Variants in LIPI observed in about 807,000 individuals in gnomAD.
The protein encoded by LIPI is lipase I.
Under a neutral mutation model 50.6 loss-of-function variants are expected in LIPI, and 59 were observed. The ratio of observed to expected loss-of-function variants is 1.16; its 90% confidence interval spans 0.94 to 1.45. LIPI has a LOEUF of 1.45. LIPI is among the 40% of genes most tolerant of loss of function. The probability of loss-of-function intolerance (pLI) is 0.00; values close to 1 mark genes in which losing one functional copy is unlikely to be tolerated. For synonymous variants in LIPI, 203 were observed against 178.2 expected (o/e 1.14, Z -1.11); for missense variants, 586 against 536.3 (o/e 1.09, Z -0.92).
chr21:14,166,277 C>A lies in LIPI; in HGVS notation c.733+85G>T, dbSNP rs896826095. Reference sequence around the variant, plus strand: ...AATGATGATGAAATCAAAACACTGCCTACAGATTAAGAGGGGAAAAGTAAG... The same window carrying A: ...AATGATGATGAAATCAAAACACTGCATACAGATTAAGAGGGGAAAAGTAAG... On this transcript the variant is annotated intron_variant, in intron 5 of 9. Coordinates refer to ENST00000681601, the MANE Select transcript of LIPI (RefSeq NM_001302998.2). 59 of 832,932 alleles carry A rather than the reference C, an allele frequency of 7.1e-5. No homozygotes were observed. The Admixed American group carries it at 1.0e-3, about 14-fold the overall frequency. The allele number at this position is 832,932 out of a possible 1,614,324, so 51.6% of individuals were successfully genotyped here.
At chr21:14,200,560 A>G (rs2020018177) in intron 1 of LIPI, among the ~76,000 whole-genome samples, 1 of 152,106 alleles carries the variant, frequency 6.6e-6, no homozygotes, top group Non-Finnish European at 1.5e-5. Context: ...AGGGTAGTGA[A>G]AGGTCTCTAC....
chr21:14,198,586 AC>A (rs2019942930), intron 1 of LIPI, among the ~76,000 whole-genome samples: 1 of 152,302 alleles, frequency 6.6e-6, no homozygotes, highest in Non-Finnish European at 1.5e-5. Context: ...ATATATATGT[AC>A]CCAACACAGG....
chr21:14,113,327 C>A (rs891084448), intron 9 of LIPI, among the ~76,000 whole-genome samples: 3 of 152,038 alleles, frequency 2.0e-5, no homozygotes, highest in Non-Finnish European at 2.9e-5. Flanking sequence ...AGTTATTATA[C>A]CTTTATTTCA....
intron 7 of LIPI, among the ~76,000 whole-genome samples, chr21:14,160,638 G>A (rs1385304155): frequency 1.3e-5 from 2 of 151,262 alleles, no homozygotes; most frequent in Admixed American, 6.6e-5. Flanking sequence ...CTAAAATAAT[G>A]ATCAATTACT....
intron 9 of LIPI, chr21:14,144,315 G>T: frequency 4.5e-6 from 1 of 220,672 alleles, no homozygotes; most frequent in Admixed American, 5.2e-5. Context: ...TAATATGTAT[G>T]TATATGAAAG....
In LIPI at chr21:14,171,857, T is replaced by C. The variant is rs201241822; in HGVS notation, c.644-5406A>G. On this transcript the variant is annotated intron_variant, in intron 4 of 9. Coordinates refer to ENST00000681601, the MANE Select transcript of LIPI (RefSeq NM_001302998.2). ...AAAGCAATGGCAACAAAAGCCAAAA[T>C]TGAGAAATGGGATCTAATTAAACTA... Among the ~76,000 whole-genome samples the C allele has an allele frequency of 6.2e-3, 924 of 149,806 alleles. 37 individuals are homozygous for C. In the East Asian group the frequency reaches 0.11, roughly 18 times the overall value.
chr21:14,174,540 G>GTTTAT (rs34581945), intron 4 of LIPI, among the ~76,000 whole-genome samples: 23,774 of 150,490 alleles, frequency 0.16, 2,234 homozygotes, highest in South Asian at 0.25. Context: ...ATCATCTGTT[G>GTTTAT]TTTATTTTAT....
At chr21:14,122,484 T>A (rs11909816) in intron 9 of LIPI, among the ~76,000 whole-genome samples, 4 of 152,338 alleles carry the variant, frequency 2.6e-5, no homozygotes, top group African/African-American at 7.2e-5. Flanking sequence ...AATCAGTTTC[T>A]ATATATTTTG....
chr21:14,135,046 A>G (rs902606231), intron 9 of LIPI, among the ~76,000 whole-genome samples: 3 of 152,196 alleles, frequency 2.0e-5, no homozygotes, highest in Admixed American at 2.0e-4. Context: ...TGCACCTGAC[A>G]ATGGGTTAAT....
chr21:14,198,400 G>A (rs1047330804), intron 1 of LIPI, among the ~76,000 whole-genome samples: 2 of 151,962 alleles, frequency 1.3e-5, no homozygotes, highest in African/African-American at 4.8e-5. Context: ...ACAAACATGG[G>A]CTCAAAATAA....
chr21:14,176,680 G>GT (rs34940495), intron 4 of LIPI, among the ~76,000 whole-genome samples: 79,344 of 141,560 alleles, frequency 0.56, 21,701 homozygotes, highest in African/African-American at 0.59. Context: ...TGAGAATATT[G>GT]TTTTTTTTTC....
At chr21:14,161,190 T>G (rs2018448068) in intron 7 of LIPI, among the ~76,000 whole-genome samples, 1 of 151,126 alleles carries the variant, frequency 6.6e-6, no homozygotes, top group South Asian at 2.1e-4. Context: ...GCTTTATTTG[T>G]CATAGCCAAA....
intron 1 of LIPI, 62 bp from the exon 2 acceptor site, chr21:14,189,481 T>G: frequency 6.9e-7 from 1 of 1,453,356 alleles, no homozygotes; most frequent in Non-Finnish European, 9.6e-7. Context: ...CTGTTGCTAT[T>G]GCAAAGAACA....
chr21:14,152,782 A>G, intron 7 of LIPI, 98 bp from the exon 8 acceptor site: 1 of 627,190 alleles, frequency 1.6e-6, no homozygotes. Context: ...ATAGATAGAT[A>G]TGTAATCTAG....
rs1015934999 is a variant in LIPI, at chr21:14,146,809, C to T, written c.1119-2010G>A. Among the ~76,000 whole-genome samples, 5 of 84,188 alleles carry T rather than the reference C, an allele frequency of 5.9e-5. No homozygotes were observed. The Admixed American group carries it at 9.0e-4, about 15-fold the overall frequency. 55.2% of individuals were successfully genotyped at this position (84,188 alleles called of 152,430 possible). The stretch of plus-strand genomic sequence containing the variant: ...TTTTTTTTTTTTTTTGAGATGGAGT[C>T]TCACTGTCACCCAGGCTGGAGTGCA... On this transcript the variant is annotated intron_variant, in intron 8 of 9. Coordinates refer to ENST00000681601, the MANE Select transcript of LIPI (RefSeq NM_001302998.2).
chr21:14,119,787 G>C (rs2016793881), intron 9 of LIPI, among the ~76,000 whole-genome samples: 1 of 152,290 alleles, frequency 6.6e-6, no homozygotes, highest in African/African-American at 2.4e-5. Context: ...TAGCATATTT[G>C]TCCAAGCAAC....
Position 14,201,786 on chromosome 21 carries a change from T to C in LIPI, c.46+9014A>G, listed in dbSNP as rs373799341. Among the ~76,000 whole-genome samples the C allele has an allele frequency of 3.3e-5, 5 of 152,308 alleles. No homozygotes were observed. In the South Asian group the frequency reaches 8.3e-4, roughly 25 times the overall value. On this transcript the variant is annotated intron_variant, in intron 1 of 9. Transcript: ENST00000681601. The stretch of plus-strand genomic sequence containing the variant: ...TTTGAAAACTGGCACAAGACAGGGA[T>C]GCCCTCTCTCACCAATCCTATTCAA...
intron 3 of LIPI, among the ~76,000 whole-genome samples, chr21:14,184,758 G>A (rs115485634): frequency 6.6e-6 from 1 of 152,134 alleles, no homozygotes; most frequent in Non-Finnish European, 1.5e-5. Flanking sequence ...GTGTGGTTTT[G>A]GAAAGAGAAT....
At chr21:14,163,562 C>A in intron 6 of LIPI, 39 bp from the exon 7 acceptor site, 2 of 954,338 alleles carry the variant, frequency 2.1e-6, no homozygotes, top group Admixed American at 3.4e-5. Context: ...ATTGGATTTC[C>A]ATCAAATAAC....
Sources: allele counts gnomAD v4.1 joint callset (sites outside exome capture counted in the v4.1 genomes callset), GRCh38; gene constraint gnomAD v4.1.1; transcripts MANE v1.5; gene names NCBI Gene and HGNC (gene_info 2026-07-23, HGNC 2026-07-21).